Variants in SFMBT1 observed in about 807,000 individuals in gnomAD.
The protein encoded by SFMBT1 is scm-like with four MBT domains protein 1.
A neutral mutation model predicts 108.7 loss-of-function variants in SFMBT1; 32 were observed. That is an observed-to-expected ratio of 0.29 (90% CI 0.22 to 0.40). The LOEUF (loss-of-function observed/expected upper bound fraction) is 0.40. Among genes scored for constraint, SFMBT1 ranks in the 10% least tolerant of loss-of-function variants. The pLI, the probability that SFMBT1 is intolerant of heterozygous loss-of-function variation, is 1.00. For synonymous variants in SFMBT1, 348 were observed against 369.5 expected (o/e 0.94, Z 0.67); for missense variants, 816 against 1,059.6 (o/e 0.77, Z 3.19).
At chr3:52,967,391 A>G (rs1704183595) in intron 2 of SFMBT1, among the ~76,000 whole-genome samples, 2 of 152,212 alleles carry the variant, frequency 1.3e-5, no homozygotes, top group South Asian at 4.1e-4. Context: ...AGAGACAGAA[A>G]GTAGATTATG....
At chr3:52,945,761 C>T (rs1426749914) in intron 3 of SFMBT1, among the ~76,000 whole-genome samples, 10 of 149,870 alleles carry the variant, frequency 6.7e-5, no homozygotes, top group African/African-American at 2.2e-4. Context: ...GAGCCGAGAT[C>T]GCACCACGGC....
At chr3:52,931,577 C>T (rs1020725686) in intron 6 of SFMBT1, among the ~76,000 whole-genome samples, 17 of 152,234 alleles carry the variant, frequency 1.1e-4, no homozygotes, top group African/African-American at 3.9e-4. Flanking sequence ...CGGTGTCTCA[C>T]GCCTGTAATC....
At chr3:53,001,925 T>TCACACACACACA (rs59572829) in intron 1 of SFMBT1, among the ~76,000 whole-genome samples, 86 of 129,226 alleles carry the variant, frequency 6.7e-4, no homozygotes, top group East Asian at 1.3e-3. Flanking sequence ...ACCCAGTCTC[T>TCACACACACACA]CACACACACA....
intron 3 of SFMBT1, among the ~76,000 whole-genome samples, chr3:52,945,649 C>CA (rs34756116): frequency 0.66 from 99,139 of 150,508 alleles, 33,704 homozygotes; most frequent in Non-Finnish European, 0.75. Flanking sequence ...ACTAAAAACA[C>CA]AAAAAAAATT....
intron 1 of SFMBT1, chr3:53,045,140 G>A (rs945348953): frequency 4.0e-5 from 6 of 151,548 alleles, no homozygotes; most frequent in Admixed American, 3.3e-4. Context: ...GTCGGCGCGG[G>A]GTCCAGCGGC....
chr3:52,981,197 C>T (rs1354395999), intron 1 of SFMBT1, among the ~76,000 whole-genome samples: 78 of 150,976 alleles, frequency 5.2e-4, no homozygotes, highest in Admixed American at 5.1e-3. Flanking sequence ...GGATCTAAAG[C>T]TGGAGGATTT....
intron 1 of SFMBT1, among the ~76,000 whole-genome samples, chr3:52,984,977 G>C (rs1022359075): frequency 1.3e-5 from 2 of 152,010 alleles, no homozygotes; most frequent in Admixed American, 1.3e-4. Flanking sequence ...ATCTTTCACT[G>C]TACCAGAATA....
intron 2 of SFMBT1, among the ~76,000 whole-genome samples, chr3:52,955,176 G>A (rs928158921): frequency 6.6e-6 from 1 of 152,086 alleles, no homozygotes; most frequent in Non-Finnish European, 1.5e-5. Context: ...ACTTTGGGAG[G>A]CTGAGGTGGG....
intron 1 of SFMBT1, among the ~76,000 whole-genome samples, chr3:53,021,099 G>C (rs745474460): frequency 6.6e-6 from 1 of 152,156 alleles, no homozygotes; most frequent in East Asian, 1.9e-4. Context: ...TATTGGCTAC[G>C]TTGAGCCTAA....
chr3:53,036,400 T>G (rs1699871178), intron 1 of SFMBT1, among the ~76,000 whole-genome samples: 1 of 152,268 alleles, frequency 6.6e-6, no homozygotes, highest in South Asian at 2.1e-4. Flanking sequence ...GTCAGAACTG[T>G]ACGTTCTAAC....
Position 52,928,344 on chromosome 3 carries a change from A to G in SFMBT1, c.898-3T>C, listed in dbSNP as rs539353859. On this transcript the variant is annotated splice_region_variant and splice_polypyrimidine_tract_variant and intron_variant, in intron 8 of 20. Coordinates refer to ENST00000394752, the MANE Select transcript of SFMBT1 (RefSeq NM_016329.4). The stretch of plus-strand genomic sequence containing the variant: ...AGAAAGTACTTCTCATCAAAAACCT[A>G]TACATGCAATTAATAGATGAAATAG... The G allele has an allele frequency of 1.2e-6, 2 of 1,613,062 alleles. No individual in the cohort carries two copies. Among genetic ancestry groups the G allele is most frequent in the South Asian group, 2.2e-5 (2 of 91,056 alleles).
At chr3:53,045,418 A>C (rs1700198103) in intron 1 of SFMBT1, 1 of 139,968 alleles carries the variant, frequency 7.1e-6, no homozygotes, top group Non-Finnish European at 1.6e-5. Flanking sequence ...GCGCCGGGGA[A>C]CTTGGGCGCC....
At chr3:52,993,101 T>G (rs1420975851) in intron 1 of SFMBT1, among the ~76,000 whole-genome samples, 1 of 152,208 alleles carries the variant, frequency 6.6e-6, no homozygotes, top group Non-Finnish European at 1.5e-5. Context: ...ATCAGTTGTT[T>G]TTTTTTTAAG....
At chr3:52,980,656 A>T (rs1028244433) in intron 1 of SFMBT1, among the ~76,000 whole-genome samples, 46 of 122,604 alleles carry the variant, frequency 3.8e-4, no homozygotes, top group Middle Eastern at 3.8e-3. Flanking sequence ...ACCATTGTTT[A>T]AAAAAAAAAA....
intron 10 of SFMBT1, among the ~76,000 whole-genome samples, chr3:52,924,893 T>C (rs894973306): frequency 2.0e-5 from 3 of 152,080 alleles, no homozygotes; most frequent in Admixed American, 6.6e-5. Flanking sequence ...GCAATTATTA[T>C]TGAGGATAAA....
intron 5 of SFMBT1, 61 bp downstream of exon 5, chr3:52,934,752 T>C: frequency 7.1e-7 from 1 of 1,400,124 alleles, no homozygotes; most frequent in Non-Finnish European, 9.9e-7. Context: ...CAACCGATTT[T>C]AAGATTCTTT....
At chr3:52,984,760 GTGTGTGTGTC>G (rs2106884382) in intron 1 of SFMBT1, among the ~76,000 whole-genome samples, 1 of 144,146 alleles carries the variant, frequency 6.9e-6, no homozygotes, top group South Asian at 2.1e-4. Context: ...GTGTGTGTGT[GTGTGTGTGTC>G]TATTCATACT....
At chr3:52,976,112 A>T (rs1382363679) in intron 1 of SFMBT1, among the ~76,000 whole-genome samples, 1 of 152,112 alleles carries the variant, frequency 6.6e-6, no homozygotes, top group Non-Finnish European at 1.5e-5. Context: ...CCTTCTATCA[A>T]AATATTAAGC....
intron 1 of SFMBT1, among the ~76,000 whole-genome samples, chr3:53,012,799 G>T (rs1352545731): frequency 6.6e-6 from 1 of 151,614 alleles, no homozygotes; most frequent in Non-Finnish European, 1.5e-5. Flanking sequence ...ATGATTCAAG[G>T]TAATGCAATT....
Sources: gnomAD v4.1 joint callset for allele counts (sites outside exome capture counted in the v4.1 genomes callset) on GRCh38, gnomAD v4.1.1 for gene constraint, MANE v1.5 for transcripts, NCBI Gene and HGNC (gene_info 2026-07-23, HGNC 2026-07-21) for gene names.